Variants in CHRM3 observed in about 807,000 individuals in gnomAD.
CHRM3 encodes muscarinic acetylcholine receptor M3.
CHRM3 carries 11 observed loss-of-function variants against 41.8 expected under a neutral mutation model. The observed-to-expected ratio is 0.26, with a 90% confidence interval of 0.17 to 0.44. The LOEUF is 0.44. Among genes scored for constraint, CHRM3 ranks in the 20% least tolerant of loss-of-function variants. The probability of loss-of-function intolerance (pLI) is 1.00; values close to 1 mark genes in which losing one functional copy is unlikely to be tolerated. For missense variants in CHRM3, 571 were observed against 745.4 expected, an observed-to-expected ratio of 0.77 and a Z score of 2.72; for synonymous variants, 297 against 301.4, an observed-to-expected ratio of 0.99 and a Z score of 0.15.
chr1:239,404,400 GAAAGAAAGAAAA>G (rs1558195466), intron 1 of CHRM3, among the ~76,000 whole-genome samples: 948 of 58,866 alleles, frequency 0.016, 26 homozygotes, highest in Admixed American at 0.016. Context: ...AAGAAAGAAA[GAAAGAAAGAAAA>G]AGAAAGAAAG....
intron 5 of CHRM3, among the ~76,000 whole-genome samples, chr1:239,739,477 G>T (rs892771952): frequency 1.3e-5 from 2 of 152,086 alleles, no homozygotes; most frequent in Non-Finnish European, 2.9e-5. Flanking sequence ...TCATTTTCAG[G>T]CAAGAAACTC....
At chr1:239,654,470 C>T (rs1426067160) in intron 4 of CHRM3, among the ~76,000 whole-genome samples, 1 of 152,214 alleles carries the variant, frequency 6.6e-6, no homozygotes, top group Non-Finnish European at 1.5e-5. Context: ...GCGATCTCAG[C>T]TCACTGCAAA....
intron 1 of CHRM3, among the ~76,000 whole-genome samples, chr1:239,407,098 A>C (rs1166677110): frequency 6.6e-6 from 1 of 152,210 alleles, no homozygotes; most frequent in African/African-American, 2.4e-5. Flanking sequence ...GTCTCTATCA[A>C]GAACTTTCTG....
chr1:239,786,779 C>T (rs565862349), intron 5 of CHRM3, among the ~76,000 whole-genome samples: 12 of 152,132 alleles, frequency 7.9e-5, no homozygotes, highest in African/African-American at 1.4e-4. Context: ...TAGTGTCACC[C>T]GGCTTTGGGG....
intron 5 of CHRM3, chr1:239,703,513 A>G (rs1052640522): frequency 3.9e-5 from 6 of 152,184 alleles, no homozygotes; most frequent in African/African-American, 1.2e-4. Context: ...TCCTTTCCCC[A>G]AGACATATGC....
At chr1:239,767,797 G>T (rs923740071) in intron 5 of CHRM3, among the ~76,000 whole-genome samples, 1 of 152,118 alleles carries the variant, frequency 6.6e-6, no homozygotes, top group African/African-American at 2.4e-5. Context: ...GGATCTACCT[G>T]GTTTTCCAAG....
intron 3 of CHRM3, chr1:239,629,276 C>A (rs562298615): frequency 1.7e-5 from 2 of 120,782 alleles, no homozygotes; most frequent in Non-Finnish European, 3.4e-5. Context: ...CAGGTGCTTC[C>A]GTCACCCCTT....
At chr1:239,460,017 A>G (rs16838358) in intron 1 of CHRM3, among the ~76,000 whole-genome samples, 9,799 of 152,216 alleles carry the variant, frequency 0.064, 599 homozygotes, top group African/African-American at 0.16. Context: ...GGAAGGTACC[A>G]AGGGAGAAAT....
intron 6 of CHRM3, among the ~76,000 whole-genome samples, chr1:239,858,947 C>G (rs1675351919): frequency 1.3e-5 from 2 of 152,196 alleles, no homozygotes; most frequent in African/African-American, 4.8e-5. Flanking sequence ...TTATGGCTGC[C>G]TAATCATCCA....
At chr1:239,759,479 A>C (rs1666554945) in intron 5 of CHRM3, among the ~76,000 whole-genome samples, 2 of 152,136 alleles carry the variant, frequency 1.3e-5, no homozygotes, top group African/African-American at 4.8e-5. Flanking sequence ...TTGGCCATAT[A>C]ACCACAAAAC....
At chr1:239,634,372 C>T (rs1395679948) in intron 4 of CHRM3, among the ~76,000 whole-genome samples, 1 of 65,174 alleles carries the variant, frequency 1.5e-5, no homozygotes, top group Non-Finnish European at 3.2e-5. Context: ...AAAGCAAGAA[C>T]AAACGAAAGA....
At chr1:239,588,311 T>C (rs909171661) in intron 3 of CHRM3, among the ~76,000 whole-genome samples, 3 of 152,182 alleles carry the variant, frequency 2.0e-5, no homozygotes, top group Admixed American at 6.5e-5. Flanking sequence ...TGAGGTAATG[T>C]ATCTGAAAGT....
chr1:239,757,424 A>G (rs1175659440), intron 5 of CHRM3, among the ~76,000 whole-genome samples: 4 of 151,994 alleles, frequency 2.6e-5, no homozygotes, highest in Non-Finnish European at 5.9e-5. Context: ...AGGTCAGGAG[A>G]TCGAGACCAT....
At chr1:239,790,421 GT>G (rs1669247413) in intron 5 of CHRM3, among the ~76,000 whole-genome samples, 1 of 152,118 alleles carries the variant, frequency 6.6e-6, no homozygotes, top group African/African-American at 2.4e-5. Context: ...TGTTTTCATG[GT>G]AGTGAATAAA....
intron 5 of CHRM3, among the ~76,000 whole-genome samples, chr1:239,790,740 C>T (rs1423982990): frequency 6.6e-6 from 1 of 152,148 alleles, no homozygotes; most frequent in Non-Finnish European, 1.5e-5. Context: ...AAGAAAAGCT[C>T]CCTGACCTCT....
At chr1:239,682,565 G>T (rs778025749) in intron 5 of CHRM3, among the ~76,000 whole-genome samples, 72 of 151,676 alleles carry the variant, frequency 4.7e-4, no homozygotes, top group Non-Finnish European at 9.1e-4. Context: ...TCTACTATTT[G>T]TTTTATTTGC....
At chr1:239,543,001 T>C (rs1021312215) in intron 2 of CHRM3, among the ~76,000 whole-genome samples, 6 of 152,354 alleles carry the variant, frequency 3.9e-5, no homozygotes, top group African/African-American at 1.2e-4. Context: ...TCTTTGCCCT[T>C]AAATGGGGGC....
At chr1:239,852,349 C>T (rs948557412) in intron 6 of CHRM3, among the ~76,000 whole-genome samples, 3 of 152,132 alleles carry the variant, frequency 2.0e-5, no homozygotes, top group Non-Finnish European at 4.4e-5. Flanking sequence ...TAACTTTAAG[C>T]TGTGTGCCCC....
At chr1:239,521,942 A>G (rs1333098277) in intron 2 of CHRM3, among the ~76,000 whole-genome samples, 4 of 152,224 alleles carry the variant, frequency 2.6e-5, no homozygotes, top group Non-Finnish European at 5.9e-5. Context: ...TATAAGGGAC[A>G]TGAGCATCCA....
Sources: allele counts gnomAD v4.1 joint callset (sites outside exome capture counted in the v4.1 genomes callset), GRCh38; gene constraint gnomAD v4.1.1; transcripts MANE v1.5; gene names NCBI Gene and HGNC (gene_info 2026-07-23, HGNC 2026-07-21).